RUNX2: variants seen among roughly 807,000 people sequenced by gnomAD.
The protein encoded by RUNX2 is runt-related transcription factor 2.
A neutral mutation model predicts 51.7 loss-of-function variants in RUNX2; 10 were observed. The observed-to-expected ratio is 0.19, with a 90% CI of 0.12 to 0.33. RUNX2 has a LOEUF of 0.33. RUNX2 is among the 10% of genes least tolerant of loss of function. The pLI is 1.00. For missense variants in RUNX2, 562 were observed against 691.3 expected (o/e 0.81, Z 2.10); for synonymous variants, 276 against 273.6 (o/e 1.01, Z -0.09).
intron 5 of RUNX2, among the ~76,000 whole-genome samples, chr6:45,438,598 T>C (rs557603206): frequency 1.3e-5 from 2 of 152,206 alleles, no homozygotes; most frequent in Non-Finnish European, 2.9e-5. Context: ...TTGTTATAGG[T>C]AGTTTTCTTT....
chr6:45,437,828 T>A, intron 4 of RUNX2, 119 bp from the exon 5 acceptor site: 1 of 779,732 alleles, frequency 1.3e-6, no homozygotes, highest in South Asian at 1.3e-5. Context: ...CTGCCTCTTG[T>A]CTTTGTTTCA....
At chr6:45,471,872 G>A (rs1799813674) in intron 5 of RUNX2, among the ~76,000 whole-genome samples, 1 of 152,126 alleles carries the variant, frequency 6.6e-6, no homozygotes, top group African/African-American at 2.4e-5. Context: ...TAAGCGCTGA[G>A]TTTTTCCTTT....
chr6:45,544,691 C>T (rs988884021), intron 7 of RUNX2, among the ~76,000 whole-genome samples: 2 of 152,194 alleles, frequency 1.3e-5, no homozygotes, highest in African/African-American at 4.8e-5. Context: ...CAGAAGTGCC[C>T]TGCCCATCGC....
chr6:45,366,403 T>C (rs1409378347), intron 2 of RUNX2, among the ~76,000 whole-genome samples: 1 of 152,214 alleles, frequency 6.6e-6, no homozygotes, highest in Non-Finnish European at 1.5e-5. Flanking sequence ...TTCTTAGGGC[T>C]GTTGTGAGAA....
chr6:45,458,021 G>GTTTTTTTTTT, intron 5 of RUNX2, among the ~76,000 whole-genome samples: 2 of 105,588 alleles, frequency 1.9e-5, no homozygotes, highest in African/African-American at 8.9e-5. Context: ...TCTGGGATAG[G>GTTTTTTTTTT]ATTTTTTTTT....
At chr6:45,508,302 C>G (rs1801039930) in intron 6 of RUNX2, among the ~76,000 whole-genome samples, 1 of 140,082 alleles carries the variant, frequency 7.1e-6, no homozygotes, top group South Asian at 2.3e-4. Context: ...GATCTCGGCT[C>G]ACCGCAACCT....
At chr6:45,398,143 C>T (rs1305734091) in intron 2 of RUNX2, among the ~76,000 whole-genome samples, 1 of 152,166 alleles carries the variant, frequency 6.6e-6, no homozygotes, top group Non-Finnish European at 1.5e-5. Context: ...ATTCAGATTG[C>T]CTTGGCTTCA....
At chr6:45,538,351 G>T (rs1457990706) in intron 7 of RUNX2, among the ~76,000 whole-genome samples, 1 of 152,008 alleles carries the variant, frequency 6.6e-6, no homozygotes, top group Non-Finnish European at 1.5e-5. Context: ...CCATCTCCCC[G>T]CCACCTCCCA....
intron 2 of RUNX2, among the ~76,000 whole-genome samples, chr6:45,373,376 A>G (rs1796350368): frequency 6.6e-6 from 1 of 152,200 alleles, no homozygotes; most frequent in Admixed American, 6.5e-5. Flanking sequence ...TCATTAGTAT[A>G]ACCTATTAGG....
chr6:45,464,752 A>G (rs1421396877), intron 5 of RUNX2, among the ~76,000 whole-genome samples: 4 of 152,218 alleles, frequency 2.6e-5, no homozygotes, highest in African/African-American at 7.2e-5. Flanking sequence ...ATATTTTCCT[A>G]TCAGTCACAT....
At chr6:45,481,884 A>G (rs144617378) in intron 5 of RUNX2, among the ~76,000 whole-genome samples, 26 of 152,344 alleles carry the variant, frequency 1.7e-4, no homozygotes, top group African/African-American at 6.3e-4. Flanking sequence ...TGAAGAACCC[A>G]GTCTGATGAA....
At chr6:45,471,136 C>T (rs920271732) in intron 5 of RUNX2, among the ~76,000 whole-genome samples, 1 of 152,172 alleles carries the variant, frequency 6.6e-6, no homozygotes, top group African/African-American at 2.4e-5. Flanking sequence ...AAAATTACTA[C>T]TGCATTTTTT....
In RUNX2 at chr6:45,492,061, C is replaced by A. The variant is rs1800495554; in HGVS notation, c.806C>A (p.Ser269Tyr). Residue 269 changes from serine to tyrosine, a missense_variant, in exon 6 of 9, where the codon TCC (serine) becomes TAC (tyrosine). Coordinates refer to ENST00000647337, the MANE Select transcript of RUNX2 (RefSeq NM_001024630.4). ...VGVPPQNPRP[S>Y]LNSAPSPFNP... is the part of the protein sequence containing the mutation. ...GTCCCGCCTCAGAACCCACGGCCCT[C>A]CCTGAACTCTGCACCAAGTCCTTTT... 6.2e-7 allele frequency: 1 copy of A among 1,613,742 alleles called. No individual in the cohort carries two copies. Among genetic ancestry groups the A allele is most frequent in the African/African-American group, 1.3e-5 (1 of 74,850 alleles).
At chr6:45,372,139 A>G in intron 2 of RUNX2, 3 of 496,352 alleles carry the variant, frequency 6.0e-6, no homozygotes, top group Non-Finnish European at 7.8e-6. Flanking sequence ...GAAGCAGTAA[A>G]GAGCTAGGCT....
At chr6:45,389,694 A>G (rs979595047) in intron 2 of RUNX2, among the ~76,000 whole-genome samples, 5 of 152,188 alleles carry the variant, frequency 3.3e-5, no homozygotes, top group African/African-American at 1.2e-4. Flanking sequence ...GTTAGTCAGG[A>G]AGCACAGAAA....
intron 7 of RUNX2, among the ~76,000 whole-genome samples, chr6:45,538,206 C>A (rs1446554316): frequency 6.6e-6 from 1 of 152,150 alleles, no homozygotes; most frequent in Non-Finnish European, 1.5e-5. Flanking sequence ...ACCAGTCTGT[C>A]CTGTCTGAAT....
At chr6:45,394,154 G>A (rs940275174) in intron 2 of RUNX2, among the ~76,000 whole-genome samples, 4 of 151,348 alleles carry the variant, frequency 2.6e-5, no homozygotes, top group Middle Eastern at 3.2e-3. Flanking sequence ...CTCGTGATCC[G>A]CCCTCCTTGG....
chr6:45,437,319 A>G (rs1450449238), intron 4 of RUNX2, among the ~76,000 whole-genome samples: 1 of 152,174 alleles, frequency 6.6e-6, no homozygotes, highest in Admixed American at 6.5e-5. Flanking sequence ...GCAAGGATGT[A>G]TGTTAGGGGA....
chr6:45,464,626 C>G (rs931545324), intron 5 of RUNX2, among the ~76,000 whole-genome samples: 12 of 152,190 alleles, frequency 7.9e-5, no homozygotes, highest in African/African-American at 2.9e-4. Context: ...AATGTCCGAG[C>G]ATTATCCAAA....
Sources: allele counts gnomAD v4.1 joint callset (sites outside exome capture counted in the v4.1 genomes callset), GRCh38; gene constraint gnomAD v4.1.1; transcripts MANE v1.5; gene names NCBI Gene and HGNC (gene_info 2026-07-23, HGNC 2026-07-21).